Variants in MAP4K4 observed in about 807,000 individuals in gnomAD.
MAP4K4 encodes mitogen-activated protein kinase kinase kinase kinase 4, also known as HPK/GCK-like kinase HGK.
MAP4K4 carries 38 observed loss-of-function variants against 189.6 expected under a neutral mutation model. That is an observed-to-expected ratio of 0.20 (90% CI 0.15 to 0.26). MAP4K4 has a LOEUF of 0.26. Ranked by LOEUF, MAP4K4 falls within the 10% of genes least tolerant of loss-of-function variation. The pLI, the probability that MAP4K4 is intolerant of heterozygous loss-of-function variation, is 1.00. For missense variants in MAP4K4, 1,054 were observed against 1,726.9 expected (o/e 0.61, Z 6.91); for synonymous variants, 610 against 624.3 (o/e 0.98, Z 0.34).
chr2:101,844,021 A>G (rs2097009427), intron 11 of MAP4K4, 80 bp from the exon 12 acceptor site: 1 of 893,760 alleles, frequency 1.1e-6, no homozygotes, highest in Non-Finnish European at 1.8e-6. Flanking sequence ...TAGAAATGGG[A>G]TAATATGCTG....
chr2:101,810,509 A>G (rs1383328281), intron 3 of MAP4K4, among the ~76,000 whole-genome samples: 1 of 152,136 alleles, frequency 6.6e-6, no homozygotes. Flanking sequence ...AAAAATTCAC[A>G]ATACCATTTA....
intron 1 of MAP4K4, 118 bp from the exon 2 acceptor site, chr2:101,698,355 C>A: frequency 9.8e-7 from 1 of 1,022,158 alleles, no homozygotes; most frequent in Non-Finnish European, 1.5e-6. Flanking sequence ...CGCTGGGGGA[C>A]CGCGCGGGGC....
chr2:101,823,764 C>T (rs1054649417), intron 3 of MAP4K4, among the ~76,000 whole-genome samples, 164 bp from the exon 4 acceptor site: 5 of 152,120 alleles, frequency 3.3e-5, no homozygotes, highest in African/African-American at 7.2e-5. Context: ...GATGAGTCCT[C>T]TAAGGTTCCT....
chr2:101,837,780 A>G (rs2096802047), intron 9 of MAP4K4, among the ~76,000 whole-genome samples: 2 of 152,026 alleles, frequency 1.3e-5, no homozygotes. Context: ...GGTACCTCAT[A>G]CTCTGATTTT....
chr2:101,809,760 C>G (rs749567447), intron 3 of MAP4K4, among the ~76,000 whole-genome samples: 13 of 152,216 alleles, frequency 8.5e-5, no homozygotes, highest in Non-Finnish European at 1.5e-4. Flanking sequence ...TGGCTGGCTG[C>G]TTAGCCTCTC....
At chr2:101,762,377 A>G (rs138916814) in intron 2 of MAP4K4, among the ~76,000 whole-genome samples, 5 of 152,276 alleles carry the variant, frequency 3.3e-5, no homozygotes, top group African/African-American at 1.2e-4. Context: ...TGTCCCCTGC[A>G]TCCTTGTCCC....
chr2:101,734,379 A>G (rs547034128), intron 2 of MAP4K4, among the ~76,000 whole-genome samples: 65 of 152,360 alleles, frequency 4.3e-4, no homozygotes, highest in African/African-American at 1.3e-3. Flanking sequence ...AGATAAATCC[A>G]AGGCACATAA....
chr2:101,836,732 C>T (rs2096767088), intron 9 of MAP4K4, among the ~76,000 whole-genome samples: 1 of 152,160 alleles, frequency 6.6e-6, no homozygotes, highest in African/African-American at 2.4e-5. Flanking sequence ...CGCAGAATAG[C>T]ATATTAAACA....
rs554858009 is a variant in MAP4K4, at chr2:101,850,583, A to G, written c.1234-5394A>G. Among the ~76,000 whole-genome samples, 4 of 152,332 alleles carry G rather than the reference A, an allele frequency of 2.6e-5. No individual in the cohort carries two copies. The South Asian group carries it at 8.3e-4, about 32-fold the overall frequency. On this transcript the variant is annotated intron_variant, in intron 12 of 32. Coordinates refer to ENST00000324219, the Ensembl canonical transcript of MAP4K4. ...TAACATTAGGAGTACATGTTAGCACATGCTACCTTTCTTAAAAAAATAGTT... is the reference window on the plus strand; with the variant it reads ...TAACATTAGGAGTACATGTTAGCACGTGCTACCTTTCTTAAAAAAATAGTT...
At chr2:101,754,747 C>T (rs1167990239) in intron 2 of MAP4K4, among the ~76,000 whole-genome samples, 1 of 152,210 alleles carries the variant, frequency 6.6e-6, no homozygotes, top group East Asian at 1.9e-4. Flanking sequence ...AGGTGGCTTA[C>T]TGGCTGTCAA....
intron 3 of MAP4K4, among the ~76,000 whole-genome samples, chr2:101,823,695 C>T (rs1292850892): frequency 2.0e-5 from 3 of 152,170 alleles, no homozygotes; most frequent in South Asian, 2.1e-4. Flanking sequence ...ACTATCCCTG[C>T]GGCTCTCCGT....
intron 19 of MAP4K4, 151 bp downstream of exon 19, chr2:101,866,730 G>A: frequency 1.8e-6 from 1 of 569,610 alleles, no homozygotes; most frequent in Non-Finnish European, 2.2e-6. Flanking sequence ...TAGTCATCCT[G>A]ATTTTAATCA....
chr2:101,857,461 G>A (rs889745041), intron 13 of MAP4K4, among the ~76,000 whole-genome samples: 2 of 152,126 alleles, frequency 1.3e-5, no homozygotes, highest in Non-Finnish European at 2.9e-5. Context: ...TGTGTTGAGG[G>A]CAGAAAACAA....
chr2:101,792,382 T>C (rs1052125557), intron 3 of MAP4K4, among the ~76,000 whole-genome samples: 1 of 152,182 alleles, frequency 6.6e-6, no homozygotes, highest in Non-Finnish European at 1.5e-5. Context: ...CTGCCTCCCC[T>C]GACACAGCTG....
intron 27 of MAP4K4, among the ~76,000 whole-genome samples, chr2:101,879,471 G>A (rs1395076053): frequency 1.3e-5 from 2 of 151,854 alleles, no homozygotes; most frequent in Admixed American, 1.3e-4. Context: ...CTCACAAGAT[G>A]GAAACAAAAC....
At chr2:101,827,080 G>C (rs763554016) in intron 5 of MAP4K4, among the ~76,000 whole-genome samples, 1 of 152,092 alleles carries the variant, frequency 6.6e-6, no homozygotes, top group African/African-American at 2.4e-5. Context: ...ACCCAGGCAA[G>C]CATTGTTTAC....
In MAP4K4 at chr2:101,857,263, C is replaced by T. The variant is rs80347985; in HGVS notation, c.1395+1125C>T. Among the ~76,000 whole-genome samples the T allele has an allele frequency of 9.0e-3, 1,363 of 152,056 alleles. 39 individuals are homozygous for T. In the East Asian group the frequency reaches 0.11, roughly 13 times the overall value. ...CTTTTAAAAAAAAAAATTCTAAAAT[C>T]GGTTTTATTCTGTTTTTCCCTGTTC... On this transcript the variant is annotated intron_variant, in intron 13 of 32. Coordinates refer to ENST00000324219, the Ensembl canonical transcript of MAP4K4.
At chr2:101,716,948 A>G (rs1351192369) in intron 2 of MAP4K4, among the ~76,000 whole-genome samples, 3 of 152,200 alleles carry the variant, frequency 2.0e-5, no homozygotes, top group Non-Finnish European at 4.4e-5. Flanking sequence ...GGGGAATGAG[A>G]TGGAGATATA....
chr2:101,871,878 G>A (rs1008502662), intron 24 of MAP4K4, among the ~76,000 whole-genome samples, 193 bp downstream of exon 24: 2 of 152,012 alleles, frequency 1.3e-5, no homozygotes, highest in Non-Finnish European at 1.5e-5. Context: ...CCCTAGATCA[G>A]CTCCCCCAAA....
Sources: gnomAD v4.1 joint callset for allele counts (sites outside exome capture counted in the v4.1 genomes callset) on GRCh38, gnomAD v4.1.1 for gene constraint, MANE v1.5 for transcripts, NCBI Gene and HGNC (gene_info 2026-07-23, HGNC 2026-07-21) for gene names.